EDA: variants seen among roughly 807,000 people sequenced by gnomAD.
EDA encodes ectodysplasin-A.
In EDA, 2 loss-of-function variants were observed where a neutral mutation model predicts 23.6. The observed-to-expected ratio is 0.08, with a 90% CI of 0.03 to 0.27. The LOEUF (loss-of-function observed/expected upper bound fraction) is 0.27. Ranked by LOEUF, EDA falls within the 10% of genes least tolerant of loss-of-function variation. The pLI, the probability that EDA is intolerant of heterozygous loss-of-function variation, is 1.00. For synonymous variants in EDA, 131 were observed against 132.0 expected (o/e 0.99, Z 0.05); for missense variants, 229 against 324.2 (o/e 0.71, Z 2.26).
intron 1 of EDA, among the ~76,000 whole-genome samples, chrX:69,769,804 T>A (rs1171028569): frequency 2.7e-5 from 3 of 111,121 alleles, no homozygotes; most frequent in Non-Finnish European, 3.8e-5. Flanking sequence ...GTCATTTTAT[T>A]TTTTCCTGAA....
chrX:69,831,504 G>A (rs762249949), intron 1 of EDA, among the ~76,000 whole-genome samples: 1 of 112,517 alleles, frequency 8.9e-6, no homozygotes, highest in East Asian at 2.8e-4. Flanking sequence ...TGTGAATAGT[G>A]CCACAATAAA....
In EDA at chrX:69,654,348, A is replaced by G. The variant is rs552961874; in HGVS notation, c.396+37644A>G. Among the ~76,000 whole-genome samples, 14 of 111,315 alleles carry G rather than the reference A, an allele frequency of 1.3e-4. No individual in the cohort carries two copies. In the South Asian group the frequency reaches 1.5e-3, roughly 12 times the overall value. On this transcript the variant is annotated intron_variant, in intron 1 of 7. Transcript: ENST00000374552. ...ATAGGAACACTTTTACACTGTTGGT[A>G]GGACTGTAAACTAGTTCAACCATTG...
chrX:69,784,608 G>C (rs2015085186), intron 1 of EDA, among the ~76,000 whole-genome samples: 2 of 107,643 alleles, frequency 1.9e-5, no homozygotes, highest in Admixed American at 2.0e-4. Flanking sequence ...TTGTAGATAT[G>C]TGGCGTTATT....
chrX:69,805,829 T>A (rs2015801012), intron 1 of EDA, among the ~76,000 whole-genome samples: 1 of 111,602 alleles, frequency 9.0e-6, no homozygotes, highest in Admixed American at 9.6e-5. Context: ...AATAGTAAGT[T>A]ATTTACATAC....
intron 2 of EDA, among the ~76,000 whole-genome samples, chrX:69,960,006 C>T (rs2019075991): frequency 9.0e-6 from 1 of 111,494 alleles, no homozygotes; most frequent in Non-Finnish European, 1.9e-5. Flanking sequence ...AATCTAGAGC[C>T]TTGTTGGCCA....
At chrX:69,687,979 G>A (rs1461519846) in intron 1 of EDA, among the ~76,000 whole-genome samples, 1 of 111,870 alleles carries the variant, frequency 8.9e-6, no homozygotes, top group Non-Finnish European at 1.9e-5. Context: ...TTAGTACAAA[G>A]TCTTCACAGG....
At chrX:69,642,598 AATTATT>A (rs1263700353) in intron 1 of EDA, among the ~76,000 whole-genome samples, 1 of 111,461 alleles carries the variant, frequency 9.0e-6, no homozygotes, top group Non-Finnish European at 1.9e-5. Context: ...GAAAGCTTTG[AATTATT>A]ATTATATCAT....
chrX:69,990,745 T>C (rs987474366), intron 2 of EDA, among the ~76,000 whole-genome samples: 1 of 108,086 alleles, frequency 9.3e-6, no homozygotes, highest in African/African-American at 3.4e-5. Context: ...TAGGGCTTTT[T>C]TTTTTTTTTT....
chrX:69,778,549 C>T (rs1195769719), intron 1 of EDA, among the ~76,000 whole-genome samples: 1 of 111,642 alleles, frequency 9.0e-6, no homozygotes, highest in Non-Finnish European at 1.9e-5. Flanking sequence ...CTAAATGAAC[C>T]GTCTAAAACT....
At chrX:69,826,031 C>T (rs376601267) in intron 1 of EDA, among the ~76,000 whole-genome samples, 2 of 107,553 alleles carry the variant, frequency 1.9e-5, no homozygotes, top group African/African-American at 6.8e-5. Context: ...CTTAATCCTG[C>T]GTTCTAGTTT....
intron 1 of EDA, among the ~76,000 whole-genome samples, chrX:69,628,675 A>G (rs149096300): frequency 1.5e-4 from 17 of 111,173 alleles, no homozygotes; most frequent in African/African-American, 4.9e-4. Context: ...CCCTGGTTTC[A>G]TGCTCTCAAT....
chrX:69,929,706 T>TTTTGTGTG (rs2018570957), intron 1 of EDA, among the ~76,000 whole-genome samples: 1 of 84,332 alleles, frequency 1.2e-5, no homozygotes, highest in Non-Finnish European at 2.3e-5. Flanking sequence ...CATTCTATTT[T>TTTTGTGTG]TGTGTGTGTG....
intron 3 of EDA, 104 bp from the exon 4 acceptor site, chrX:70,027,753 G>A: frequency 2.0e-6 from 1 of 492,575 alleles, no homozygotes; most frequent in Non-Finnish European, 3.7e-6. Context: ...AACCCGGGAG[G>A]TGGAGGTTGC....
intron 2 of EDA, among the ~76,000 whole-genome samples, chrX:69,966,523 G>C (rs2019175767): frequency 9.5e-6 from 1 of 105,362 alleles, no homozygotes. Context: ...AGGTTGCAGT[G>C]AGCCAAGATC....
intron 1 of EDA, among the ~76,000 whole-genome samples, chrX:69,831,448 A>G (rs2016607644): frequency 8.9e-6 from 1 of 112,681 alleles, no homozygotes. Flanking sequence ...TTCTTAATCC[A>G]GTCTATCATT....
intron 1 of EDA, among the ~76,000 whole-genome samples, chrX:69,703,752 T>C (rs1197759723): frequency 8.9e-6 from 1 of 111,908 alleles, no homozygotes; most frequent in Non-Finnish European, 1.9e-5. Flanking sequence ...GTGGAAGTGG[T>C]CTTGCGTCTT....
At chrX:69,965,092 C>T (rs2019155880) in intron 2 of EDA, among the ~76,000 whole-genome samples, 1 of 111,651 alleles carries the variant, frequency 9.0e-6, no homozygotes, top group African/African-American at 3.3e-5. Flanking sequence ...CTATGGGACA[C>T]ACTGGCACCT....
intron 1 of EDA, among the ~76,000 whole-genome samples, chrX:69,635,431 A>G (rs1456856972): frequency 1.8e-5 from 2 of 110,464 alleles, no homozygotes; most frequent in Non-Finnish European, 3.8e-5. Flanking sequence ...TCACCTTCCT[A>G]CCCCAAACCT....
chrX:69,892,743 T>C (rs1186473320), intron 1 of EDA, among the ~76,000 whole-genome samples: 2 of 111,906 alleles, frequency 1.8e-5, no homozygotes, highest in African/African-American at 6.5e-5. Context: ...CTGGCAATCC[T>C]GGGCCTGCAT....
Sources: gnomAD v4.1 joint callset for allele counts (sites outside exome capture counted in the v4.1 genomes callset) on GRCh38, gnomAD v4.1.1 for gene constraint, MANE v1.5 for transcripts, NCBI Gene and HGNC (gene_info 2026-07-23, HGNC 2026-07-21) for gene names.